The following SPAM1 variants were observed in gnomAD, a reference collection of about 807,000 sequenced individuals.
SPAM1 encodes sperm adhesion molecule 1, also known as hyaluronidase PH-20.
In SPAM1, 22 loss-of-function variants were observed where a neutral mutation model predicts 29.6. The observed-to-expected ratio is 0.74, with a 90% confidence interval of 0.53 to 1.06. The LOEUF (loss-of-function observed/expected upper bound fraction) is 1.06. SPAM1 is among the 50% of genes least tolerant of loss of function. The pLI is 0.00. For synonymous variants in SPAM1, 194 were observed against 204.6 expected (o/e 0.95, Z 0.44); for missense variants, 534 against 604.0 (o/e 0.88, Z 1.21).
chr7:123,947,621 G>A (rs867964721), intron 1 of SPAM1: 1 of 132,804 alleles, frequency 7.5e-6, no homozygotes, highest in Admixed American at 7.5e-5. Flanking sequence ...CACACACACA[G>A]ACAGGTTCAC....
chr7:123,940,484 C>CTTT (rs544377082), intron 1 of SPAM1, among the ~76,000 whole-genome samples: 6 of 138,458 alleles, frequency 4.3e-5, no homozygotes, highest in Non-Finnish European at 6.3e-5. Context: ...ACTTACCATG[C>CTTT]TTTTTTTTTT....
At position 123,959,600 on chromosome 7, in the gene SPAM1, T is replaced by C. The variant is rs768399801; in HGVS notation, c.1161T>C (p.Cys387=). Residue 387 remains cysteine, a synonymous_variant, in exon 5 of 5, where the codon TGT becomes TGC. Coordinates refer to ENST00000682466, the MANE Select transcript of SPAM1 (RefSeq NM_153189.3). ...SQVLCQEQGV[C]IRKNWNSSDY... Reference sequence around the variant, plus strand: ...TGCTTTGCCAGGAGCAAGGAGTGTGTATAAGGAAAAACTGGAATTCAAGTG... The same window carrying C: ...TGCTTTGCCAGGAGCAAGGAGTGTGCATAAGGAAAAACTGGAATTCAAGTG... The C allele has an allele frequency of 1.2e-6, 2 of 1,613,094 alleles. No homozygotes were observed. Among genetic ancestry groups the C allele is most frequent in the African/African-American group, 2.7e-5 (2 of 74,838 alleles).
intron 1 of SPAM1, among the ~76,000 whole-genome samples, chr7:123,931,752 A>G (rs1808086234): frequency 6.6e-6 from 1 of 152,140 alleles, no homozygotes; most frequent in African/African-American, 2.4e-5. Flanking sequence ...GCCTTATGGT[A>G]GCCACTTGAT....
intron 5 of SPAM1, among the ~76,000 whole-genome samples, chr7:123,969,057 CA>C (rs1416905488): frequency 1.3e-5 from 2 of 151,988 alleles, no homozygotes; most frequent in Non-Finnish European, 2.9e-5. Flanking sequence ...CCAACTTTCC[CA>C]AAGTAAACCA....
intron 5 of SPAM1, among the ~76,000 whole-genome samples, chr7:123,969,398 T>C (rs1736999360): frequency 6.6e-6 from 1 of 152,070 alleles, no homozygotes; most frequent in Admixed American, 6.6e-5. Context: ...CTATGTTTTA[T>C]GCTAGTATTT....
chr7:123,963,394 G>A (rs12706560), downstream of SPAM1, among the ~76,000 whole-genome samples: 30,702 of 150,892 alleles, frequency 0.2, 3,964 homozygotes, highest in African/African-American at 0.37. Context: ...ACTTAAATTC[G>A]ATTTTAGTAG....
intron 4 of SPAM1, 90 bp from the exon 5 acceptor site, chr7:123,959,394 C>G (rs955383418): frequency 1.2e-6 from 1 of 837,878 alleles, no homozygotes; most frequent in Non-Finnish European, 1.8e-6. Context: ...TTTCATTCTT[C>G]TGTAAAAAAA....
intron 5 of SPAM1, among the ~76,000 whole-genome samples, chr7:123,968,686 G>A (rs184071182): frequency 6.6e-6 from 1 of 152,042 alleles, no homozygotes; most frequent in East Asian, 1.9e-4. Context: ...GAGAGAGATA[G>A]TATGTCTAAT....
intron 1 of SPAM1, among the ~76,000 whole-genome samples, chr7:123,934,765 T>C (rs1388735599): frequency 1.3e-5 from 2 of 152,162 alleles, no homozygotes; most frequent in Non-Finnish European, 2.9e-5. Flanking sequence ...TTCTCACTTA[T>C]ATGTGGAAGC....
At chr7:123,966,525 C>T (rs981483742) in intron 5 of SPAM1, among the ~76,000 whole-genome samples, 2 of 152,000 alleles carry the variant, frequency 1.3e-5, no homozygotes, top group African/African-American at 2.4e-5. Context: ...ACCTAAATGC[C>T]TATCAATGAT....
intron 1 of SPAM1, among the ~76,000 whole-genome samples, chr7:123,928,090 G>A (rs1461687993): frequency 6.6e-6 from 1 of 152,038 alleles, no homozygotes; most frequent in Non-Finnish European, 1.5e-5. Flanking sequence ...TTTATTATTG[G>A]CAAGATTAGG....
At chr7:123,947,682 G>C (rs1808630008) in intron 1 of SPAM1, 1 of 151,892 alleles carries the variant, frequency 6.6e-6, no homozygotes, top group Admixed American at 6.6e-5. Context: ...TGGGCAAAGG[G>C]CTGTCTTTTC....
At chr7:123,939,849 A>G (rs562995895) in intron 1 of SPAM1, among the ~76,000 whole-genome samples, 1 of 152,158 alleles carries the variant, frequency 6.6e-6, no homozygotes, top group East Asian at 1.9e-4. Context: ...GAGATGTCTG[A>G]TCACCCCGGC....
chr7:123,959,900 C>T lies in SPAM1; in HGVS notation c.1461C>T (p.Ser487=). The T allele has an allele frequency of 6.2e-7, 1 of 1,612,730 alleles. No homozygotes were observed. The highest frequency in any genetic ancestry group is 1.1e-5 in the South Asian group (1 of 90,972). The change falls in exon 5 of 5, where the codon TCC becomes TCT. Residue 487 remains serine (S), a synonymous_variant. Coordinates refer to ENST00000682466, the MANE Select transcript of SPAM1 (RefSeq NM_153189.3). The stretch of plus-strand genomic sequence containing the variant: ...AAATTTTCTACAATGCTTCACCCTC[C>T]ACACTATCTGCCACAATGTTCATTG... ...EPQIFYNASP[S]TLSATMFIVS... is the part of the protein sequence containing the mutation.
chr7:123,966,008 G>T (rs1407613199), intron 5 of SPAM1, among the ~76,000 whole-genome samples: 1 of 151,944 alleles, frequency 6.6e-6, no homozygotes, highest in Non-Finnish European at 1.5e-5. Context: ...GAAAAGTTTT[G>T]TAATCTGACC....
At chr7:123,950,732 A>G (rs1808733302) in intron 2 of SPAM1, among the ~76,000 whole-genome samples, 1 of 152,134 alleles carries the variant, frequency 6.6e-6, no homozygotes, top group African/African-American at 2.4e-5. Flanking sequence ...ATTTGAGTGA[A>G]GCTGTCTTTT....
rs193246260 is a variant in SPAM1, at chr7:123,933,015, G to A, written c.-319+7663G>A. ...AAGTGACAAAAACATAGATTAACAGGAGAATAGCAAACAATTTTTAAAATA... is the reference window on the plus strand; with the variant it reads ...AAGTGACAAAAACATAGATTAACAGAAGAATAGCAAACAATTTTTAAAATA... On this transcript the variant is annotated intron_variant, in intron 1 of 4. Transcript: ENST00000682466. Among the ~76,000 whole-genome samples, 7 of 151,976 alleles carry A rather than the reference G, an allele frequency of 4.6e-5. No homozygotes were observed. In the East Asian group the frequency reaches 1.4e-3, roughly 29 times the overall value.
intron 2 of SPAM1, among the ~76,000 whole-genome samples, chr7:123,950,869 C>T (rs998762943): frequency 4.7e-4 from 71 of 152,160 alleles, no homozygotes; most frequent in Admixed American, 3.7e-3. Flanking sequence ...TACTAATTTA[C>T]ATTTCCACCA....
At chr7:123,926,941 T>A (rs1041560046) in intron 1 of SPAM1, among the ~76,000 whole-genome samples, 1 of 152,136 alleles carries the variant, frequency 6.6e-6, no homozygotes, top group African/African-American at 2.4e-5. Context: ...CTTCTGGATC[T>A]GGGAAGGAAG....
Sources: gnomAD v4.1 joint callset for allele counts (sites outside exome capture counted in the v4.1 genomes callset) on GRCh38, gnomAD v4.1.1 for gene constraint, MANE v1.5 for transcripts, NCBI Gene and HGNC (gene_info 2026-07-23, HGNC 2026-07-21) for gene names.